Variants in VSIG10 observed in about 807,000 individuals in gnomAD.
The protein encoded by VSIG10 is V-set and immunoglobulin domain-containing protein 10.
Under a neutral mutation model 58.7 loss-of-function variants are expected in VSIG10, and 48 were observed. The ratio of observed to expected loss-of-function variants is 0.82; its 90% CI spans 0.65 to 1.04. The LOEUF (loss-of-function observed/expected upper bound fraction) is 1.04. Among genes scored for constraint, VSIG10 ranks in the 50% least tolerant of loss-of-function variants. The pLI, the probability that VSIG10 is intolerant of heterozygous loss-of-function variation, is 0.00. For missense variants in VSIG10, 628 were observed against 670.0 expected, an observed-to-expected ratio of 0.94 and a Z score of 0.69; for synonymous variants, 260 against 267.1, an observed-to-expected ratio of 0.97 and a Z score of 0.26.
In VSIG10 at chr12:118,068,408, T is replaced by C. The variant is rs371762755; in HGVS notation, c.1536A>G (p.Glu512=). The change falls in exon 8 of 9, where the codon GAA becomes GAG. Residue 512 remains glutamate, a synonymous_variant. Coordinates refer to ENST00000359236, the MANE Select transcript of VSIG10 (RefSeq NM_019086.6). ...RVTALVNGNI[E]QMGNGFQDLQ... is the part of the protein sequence containing the mutation. ...GATCCTGGAATCCATTTCCCATCTG[T>C]TCTATGTTCCCATTCACCAAGGCGG... 24 of 1,613,678 alleles carry C rather than the reference T, an allele frequency of 1.5e-5. No homozygotes were observed. Among genetic ancestry groups the C allele is most frequent in the Admixed American group, 3.3e-5 (2 of 59,942 alleles).
At chr12:118,071,606 C>G (rs2032496012) in intron 5 of VSIG10, 137 bp from the exon 6 acceptor site, 1 of 709,858 alleles carries the variant, frequency 1.4e-6, no homozygotes, top group South Asian at 1.8e-5. Context: ...GTCTGTAATG[C>G]CAGATAAATA....
intron 2 of VSIG10, among the ~76,000 whole-genome samples, chr12:118,092,137 C>A (rs531690847): frequency 6.6e-6 from 1 of 152,244 alleles, no homozygotes; most frequent in South Asian, 2.1e-4. Flanking sequence ...TGGCTCACTG[C>A]AACCTCCGTC....
chr12:118,092,756 C>T lies in VSIG10; in HGVS notation c.361+2777G>A, dbSNP rs562823156. Reference sequence around the variant, plus strand: ...GCTCAAGCAATCCTCCCACCTCAGCCTCCTGAGTAGCTGGAACTACAGGCA... The same window carrying T: ...GCTCAAGCAATCCTCCCACCTCAGCTTCCTGAGTAGCTGGAACTACAGGCA... On this transcript the variant is annotated intron_variant, in intron 2 of 8. Coordinates refer to ENST00000359236, the MANE Select transcript of VSIG10 (RefSeq NM_019086.6). Among the ~76,000 whole-genome samples the T allele has an allele frequency of 1.1e-3, 161 of 152,004 alleles. 2 individuals carry two copies. In the South Asian group the frequency reaches 0.032, roughly 30 times the overall value.
At chr12:118,090,656 C>T (rs1279204576) in intron 2 of VSIG10, among the ~76,000 whole-genome samples, 1 of 152,144 alleles carries the variant, frequency 6.6e-6, no homozygotes, top group Admixed American at 6.6e-5. Flanking sequence ...CAGAATTCTT[C>T]TCCTTTTATT....
At chr12:118,093,078 A>G (rs1019226179) in intron 2 of VSIG10, among the ~76,000 whole-genome samples, 2 of 151,698 alleles carry the variant, frequency 1.3e-5, no homozygotes, top group African/African-American at 4.8e-5. Flanking sequence ...TCACAAGGTC[A>G]GGAGATCGAG....
Position 118,079,561 on chromosome 12 carries a change from C to A in VSIG10, c.710G>T (p.Gly237Val). Residue 237 changes from glycine (G) to valine (V), a missense_variant, in exon 4 of 9, where the codon GGA becomes GTA. Physicochemically the swap from Gly to Val is moderately radical, Grantham distance 109 (BLOSUM62 -3). Transcript: ENST00000359236. ...ACAGGTAAGCTGCAACATGAACGATCCTGATGCCATCTGTGCCCAGCACTG... is the reference window on the plus strand; with the variant it reads ...ACAGGTAAGCTGCAACATGAACGATACTGATGCCATCTGTGCCCAGCACTG... ...APQCWAQMAS[G>V]SFMLQLTCRW... 1 of 1,614,030 alleles carries A rather than the reference C, an allele frequency of 6.2e-7. No homozygotes were observed.
intron 1 of VSIG10, among the ~76,000 whole-genome samples, chr12:118,099,469 G>A (rs888152317): frequency 1.3e-5 from 2 of 151,994 alleles, no homozygotes; most frequent in Non-Finnish European, 2.9e-5. Context: ...AAAAAAGACC[G>A]ACAGGTGCTA....
At chr12:118,067,571 C>A (rs1236462474) in intron 8 of VSIG10, among the ~76,000 whole-genome samples, 4 of 150,492 alleles carry the variant, frequency 2.7e-5, no homozygotes, top group African/African-American at 9.8e-5. Context: ...TCAAGTGATT[C>A]TCCTGCCTTG....
At position 118,079,415 on chromosome 12, in the gene VSIG10, T is replaced by C; in HGVS notation, c.856A>G (p.Lys286Glu). ...MLSESQLSDG[K>E]KFKCVTSHIV... The stretch of plus-strand genomic sequence containing the variant: ...TGGCTTGTAACACACTTGAACTTCT[T>C]GCCATCCGACAGCTGGGACTCGCTC... Residue 286 changes from lysine (K) to glutamate (E), a missense_variant, in exon 4 of 9, where the codon AAG (lysine) becomes GAG (glutamate). Transcript: ENST00000359236. 1 of 1,614,022 alleles carries C rather than the reference T, an allele frequency of 6.2e-7. No individual in the cohort carries two copies. The highest frequency in any genetic ancestry group is 8.5e-7 in the Non-Finnish European group (1 of 1,179,878).
At chr12:118,081,170 T>C (rs1056465056) in intron 3 of VSIG10, among the ~76,000 whole-genome samples, 2 of 151,882 alleles carry the variant, frequency 1.3e-5, no homozygotes, top group African/African-American at 4.8e-5. Context: ...TGCTTGAACC[T>C]GGAAGGTGGA....
In VSIG10 at chr12:118,064,211, C is replaced by T. The variant is rs1424103632; in HGVS notation, c.*2428G>A. On this transcript the variant is annotated 3_prime_UTR_variant, in exon 9 of 9. Coordinates refer to ENST00000359236, the MANE Select transcript of VSIG10 (RefSeq NM_019086.6). Reference sequence around the variant, plus strand: ...TTAAAACTTGAAGACCTGGATTTTACCTGACCCAGGATATTACTGTGCACA... The same window carrying T: ...TTAAAACTTGAAGACCTGGATTTTATCTGACCCAGGATATTACTGTGCACA... 2.0e-5 allele frequency: 3 copies of T among 152,156 alleles called. No homozygotes were observed. Among genetic ancestry groups the T allele is most frequent in the Non-Finnish European group, 2.9e-5 (2 of 68,028 alleles). 9.4% of individuals were successfully genotyped at this position (152,156 alleles called of 1,614,324 possible).
intron 1 of VSIG10, among the ~76,000 whole-genome samples, chr12:118,096,533 G>A (rs190039813): frequency 2.8e-4 from 41 of 148,222 alleles, no homozygotes; most frequent in Admixed American, 9.6e-4. Flanking sequence ...AGCCGAGATC[G>A]CACCATTGCA....
chr12:118,071,257 A>T, intron 6 of VSIG10, 102 bp downstream of exon 6: 1 of 1,307,066 alleles, frequency 7.7e-7, no homozygotes, highest in Non-Finnish European at 1.1e-6. Context: ...AGAAGCCCAG[A>T]GAACAGAACT....
At chr12:118,080,405 C>T (rs1759846864) in intron 3 of VSIG10, among the ~76,000 whole-genome samples, 1 of 152,104 alleles carries the variant, frequency 6.6e-6, no homozygotes, top group Non-Finnish European at 1.5e-5. Flanking sequence ...GATGATCCAC[C>T]TGCCTCGGCC....
chr12:118,086,311 C>T (rs1044570454), intron 2 of VSIG10, among the ~76,000 whole-genome samples: 3 of 151,634 alleles, frequency 2.0e-5, no homozygotes, highest in Admixed American at 6.6e-5. Flanking sequence ...CTACTAAAAA[C>T]ACAAAAATTA....
rs2033681217 is a variant in VSIG10, at chr12:118,103,742, G to A, written c.-71C>T. On this transcript the variant is annotated 5_prime_UTR_variant, in exon 1 of 9. Transcript: ENST00000359236. ...GGACGTGTGTGCCCCAGGGCCCCGG[G>A]GCCCGGGGTACCGAGGGCTCCTCCC... 1 of 1,363,194 alleles carries A rather than the reference G, an allele frequency of 7.3e-7. No homozygotes were observed. The highest frequency in any genetic ancestry group is 9.4e-7 in the Non-Finnish European group (1 of 1,059,034). 84.4% of individuals were successfully genotyped at this position (1,363,194 alleles called of 1,614,324 possible).
At chr12:118,100,037 T>A (rs115426237) in intron 1 of VSIG10, among the ~76,000 whole-genome samples, 1,584 of 152,336 alleles carry the variant, frequency 0.01, 34 homozygotes, top group African/African-American at 0.036. Flanking sequence ...TGACAGAGAT[T>A]CCAAAACAGC....
intron 7 of VSIG10, 160 bp downstream of exon 7, chr12:118,070,892 G>T: frequency 4.6e-6 from 4 of 861,586 alleles, no homozygotes; most frequent in African/African-American, 1.7e-5. Flanking sequence ...TGATGAAAGG[G>T]TTTATAAGAA....
intron 2 of VSIG10, among the ~76,000 whole-genome samples, chr12:118,089,569 G>C (rs1297573917): frequency 6.6e-6 from 1 of 152,124 alleles, no homozygotes; most frequent in Non-Finnish European, 1.5e-5. Flanking sequence ...GCTCACAGTG[G>C]GAACCAAACA....
Sources: gnomAD v4.1 joint callset for allele counts (sites outside exome capture counted in the v4.1 genomes callset) on GRCh38, gnomAD v4.1.1 for gene constraint, MANE v1.5 for transcripts, NCBI Gene and HGNC (gene_info 2026-07-23, HGNC 2026-07-21) for gene names.